The following PTPRD variants were observed in gnomAD, a reference collection of about 807,000 sequenced individuals.
The protein encoded by PTPRD is protein tyrosine phosphatase receptor type D.
Under a neutral mutation model 214.5 loss-of-function variants are expected in PTPRD, and 34 were observed. That is an observed-to-expected ratio of 0.16 (90% CI 0.12 to 0.21). PTPRD has a LOEUF of 0.21. Among genes scored for constraint, PTPRD ranks in the 10% least tolerant of loss-of-function variants. The probability of loss-of-function intolerance (pLI) is 1.00; values close to 1 mark genes in which losing one functional copy is unlikely to be tolerated. For missense variants in PTPRD, 2,545 were observed against 2,398.7 expected, an observed-to-expected ratio of 1.06 and a Z score of -1.27; for synonymous variants, 1,128 against 845.7, an observed-to-expected ratio of 1.33 and a Z score of -5.79.
At chr9:10,163,518 G>C (rs887083561) in intron 3 of PTPRD, among the ~76,000 whole-genome samples, 3 of 151,352 alleles carry the variant, frequency 2.0e-5, no homozygotes, top group African/African-American at 7.3e-5. Context: ...TTCCATTAAA[G>C]TTGCTGTTAT....
At chr9:8,948,412 TATATATATATATTTATATATATATTTAC>T (rs2099079101) in intron 11 of PTPRD, among the ~76,000 whole-genome samples, 3 of 67,308 alleles carry the variant, frequency 4.5e-5, no homozygotes, top group African/African-American at 5.6e-5. Flanking sequence ...TTAAAATATA[TATATATATATATTTATATATATATTTAC>T]ATATATATAT....
intron 10 of PTPRD, among the ~76,000 whole-genome samples, chr9:9,128,308 C>T (rs1245077632): frequency 6.6e-6 from 1 of 152,172 alleles, no homozygotes; most frequent in African/African-American, 2.4e-5. Flanking sequence ...ACCTTCCGAA[C>T]TCATACATTT....
chr9:9,793,293 TTGA>T (rs1163356975), intron 5 of PTPRD, among the ~76,000 whole-genome samples: 8 of 152,250 alleles, frequency 5.3e-5, no homozygotes, highest in African/African-American at 1.9e-4. Context: ...AACGTGCCAT[TTGA>T]TCCATTTCTC....
intron 11 of PTPRD, among the ~76,000 whole-genome samples, chr9:8,768,811 A>G (rs2094961495): frequency 6.6e-6 from 1 of 152,228 alleles, no homozygotes. Context: ...TTAATATTAG[A>G]AATGAAGTAA....
chr9:10,026,127 A>C (rs1462259071), intron 4 of PTPRD, among the ~76,000 whole-genome samples: 2 of 152,194 alleles, frequency 1.3e-5, no homozygotes, highest in Non-Finnish European at 2.9e-5. Flanking sequence ...GCCAGCTTTA[A>C]ATAACGACCA....
At chr9:8,914,480 T>C (rs894737610) in intron 11 of PTPRD, among the ~76,000 whole-genome samples, 3 of 152,100 alleles carry the variant, frequency 2.0e-5, no homozygotes, top group Non-Finnish European at 4.4e-5. Flanking sequence ...ACTATGATTG[T>C]TTATTTAAAA....
intron 11 of PTPRD, among the ~76,000 whole-genome samples, chr9:8,793,130 A>G (rs907189161): frequency 1.3e-5 from 2 of 152,162 alleles, no homozygotes; most frequent in African/African-American, 4.8e-5. Context: ...GCTTCCAACT[A>G]TGCACATATT....
intron 2 of PTPRD, 67 bp downstream of exon 2, chr9:10,612,331 G>A (rs1393472702): frequency 6.6e-6 from 1 of 152,078 alleles, no homozygotes; most frequent in East Asian, 1.9e-4. Flanking sequence ...TTGGACATTG[G>A]GCATTGAAAA....
intron 7 of PTPRD, among the ~76,000 whole-genome samples, chr9:9,730,233 A>C (rs1287263021): frequency 2.0e-5 from 3 of 152,182 alleles, no homozygotes; most frequent in African/African-American, 7.2e-5. Flanking sequence ...ACTAATGCTA[A>C]GCACATGAAT....
chr9:9,062,159 T>C (rs1462941427), intron 10 of PTPRD, among the ~76,000 whole-genome samples: 1 of 152,186 alleles, frequency 6.6e-6, no homozygotes, highest in Non-Finnish European at 1.5e-5. Flanking sequence ...TTACACTGTT[T>C]TCCAATCACA....
chr9:8,780,629 AGT>A, intron 11 of PTPRD, among the ~76,000 whole-genome samples: 1 of 152,324 alleles, frequency 6.6e-6, no homozygotes, highest in African/African-American at 2.4e-5. Flanking sequence ...CCAGGCTCTC[AGT>A]GTGTGTCAGT....
chr9:10,146,521 G>A (rs16931176), intron 3 of PTPRD, among the ~76,000 whole-genome samples: 1 of 151,998 alleles, frequency 6.6e-6, no homozygotes, highest in Non-Finnish European at 1.5e-5. Context: ...AATGCAGGTT[G>A]TGCCAAGAAG....
chr9:9,060,846 C>T (rs1480346752), intron 10 of PTPRD, among the ~76,000 whole-genome samples: 2 of 152,054 alleles, frequency 1.3e-5, no homozygotes, highest in Admixed American at 1.3e-4. Context: ...AAATGTCTAA[C>T]AATATTATAA....
chr9:9,121,388 G>C lies in PTPRD; in HGVS notation c.-143+61916C>G, dbSNP rs180989802. Among the ~76,000 whole-genome samples, 6 of 152,042 alleles carry C rather than the reference G, an allele frequency of 3.9e-5. No individual in the cohort carries two copies. The East Asian group carries it at 1.2e-3, about 29-fold the overall frequency. ...TACTTGCACACGCATGTTTATAGCAGCACAAGTCACAATAGGAAAATTGTG... is the reference window on the plus strand; with the variant it reads ...TACTTGCACACGCATGTTTATAGCACCACAAGTCACAATAGGAAAATTGTG... On this transcript the variant is annotated intron_variant, in intron 10 of 45. Coordinates refer to ENST00000381196, the MANE Select transcript of PTPRD (RefSeq NM_002839.4).
chr9:8,393,974 T>G (rs1435180694), intron 36 of PTPRD, among the ~76,000 whole-genome samples: 2 of 152,064 alleles, frequency 1.3e-5, no homozygotes, highest in Non-Finnish European at 2.9e-5. Flanking sequence ...GAGATTGTGA[T>G]GAGGTGAATG....
chr9:9,360,973 G>T (rs1337965445), intron 9 of PTPRD, among the ~76,000 whole-genome samples: 2 of 151,126 alleles, frequency 1.3e-5, no homozygotes, highest in Non-Finnish European at 3.0e-5. Flanking sequence ...AGAAAGAACT[G>T]CAGTGCCAAA....
chr9:9,973,951 A>G (rs747651463), intron 4 of PTPRD, among the ~76,000 whole-genome samples: 1 of 152,182 alleles, frequency 6.6e-6, no homozygotes, highest in Non-Finnish European at 1.5e-5. Flanking sequence ...TTGATTTGAT[A>G]TTTTTAAAAG....
rs1353688171 is a variant in PTPRD at position 10,090,540 on chromosome 9, T to C, written c.-544-56750A>G. Among the ~76,000 whole-genome samples the C allele has an allele frequency of 3.3e-5, 5 of 151,104 alleles. No homozygotes were observed. In the East Asian group the frequency reaches 5.9e-4, roughly 18 times the overall value. On this transcript the variant is annotated intron_variant, in intron 3 of 45. Coordinates refer to ENST00000381196, the MANE Select transcript of PTPRD (RefSeq NM_002839.4). Reference sequence around the variant, plus strand: ...GGTTGATTTTAGTCAAATATTTTCATTTGATACATATTTTTAATGTATTTT... The same window carrying C: ...GGTTGATTTTAGTCAAATATTTTCACTTGATACATATTTTTAATGTATTTT...
intron 3 of PTPRD, among the ~76,000 whole-genome samples, chr9:10,060,975 T>C (rs1041399133): frequency 6.7e-6 from 1 of 148,182 alleles, no homozygotes; most frequent in Non-Finnish European, 1.5e-5. Context: ...TCTTCCTTTC[T>C]GTCTTCTTGC....
Sources: gnomAD v4.1 joint callset for allele counts (sites outside exome capture counted in the v4.1 genomes callset) on GRCh38, gnomAD v4.1.1 for gene constraint, MANE v1.5 for transcripts, NCBI Gene and HGNC (gene_info 2026-07-23, HGNC 2026-07-21) for gene names.